Variants in CTNNA1 observed in about 807,000 individuals in gnomAD.
CTNNA1 encodes the protein catenin alpha-1.
CTNNA1 carries 37 observed loss-of-function variants against 98.4 expected under a neutral mutation model. That is an observed-to-expected ratio of 0.38 (90% confidence interval 0.29 to 0.49). The LOEUF is 0.49. CTNNA1 is among the 20% of genes least tolerant of loss of function. The pLI is 0.95. For missense variants in CTNNA1, 761 were observed against 1,147.2 expected (o/e 0.66, Z 4.86); for synonymous variants, 404 against 413.2 (o/e 0.98, Z 0.27).
chr5:138,924,785 C>T (rs1763653854), intron 12 of CTNNA1, 75 bp downstream of exon 12: 2 of 1,318,872 alleles, frequency 1.5e-6, no homozygotes, highest in African/African-American at 1.5e-5. Context: ...TTAGCCCAGC[C>T]CTGTGGTGAG....
intron 7 of CTNNA1, among the ~76,000 whole-genome samples, chr5:138,832,131 A>AGG (rs1761332515): frequency 6.6e-6 from 1 of 152,232 alleles, no homozygotes. Flanking sequence ...TCATCAGCTG[A>AGG]GGGCCAAATC....
intron 11 of CTNNA1, among the ~76,000 whole-genome samples, chr5:138,919,685 G>C (rs1762507429): frequency 6.6e-6 from 1 of 152,154 alleles, no homozygotes; most frequent in African/African-American, 2.4e-5. Flanking sequence ...TAAAATCATG[G>C]AACAATTCTT....
In CTNNA1 at chr5:138,886,263, A is replaced by G. The variant is rs1754000511; in HGVS notation, c.1114A>G (p.Thr372Ala). The stretch of plus-strand genomic sequence containing the variant: ...ACTCAATTCTGCAATAGATAAAATG[A>G]CCAAGAAGACCAGGGACTTGCGTAG... The part of the protein sequence containing the change: ...DALNSAIDKM[T>A]KKTRDLRRQL... Residue 372 changes from threonine to alanine, a missense_variant, in exon 8 of 18, where the codon ACC (threonine) becomes GCC (alanine). Physicochemically the swap from Thr to Ala is moderately conservative, Grantham distance 58. Transcript: ENST00000302763. The G allele has an allele frequency of 3.1e-6, 5 of 1,610,886 alleles. No individual in the cohort carries two copies. The highest frequency in any genetic ancestry group is 4.2e-6 in the Non-Finnish European group (5 of 1,178,530).
intron 7 of CTNNA1, among the ~76,000 whole-genome samples, chr5:138,868,041 C>CT (rs1764965641): frequency 6.6e-6 from 1 of 152,188 alleles, no homozygotes; most frequent in African/African-American, 2.4e-5. Context: ...CGTGAGCCAC[C>CT]ATGCCCCACC....
intron 1 of CTNNA1, among the ~76,000 whole-genome samples, chr5:138,766,761 A>G (rs145898698): frequency 2.6e-5 from 4 of 152,056 alleles, no homozygotes; most frequent in East Asian, 3.9e-4. Context: ...AGTTTGAGGA[A>G]CTCAGCTTTG....
At position 138,824,711 on chromosome 5, in the gene CTNNA1, A is replaced by T. The variant is rs78627784; in HGVS notation, c.770A>T (p.Asn257Ile). 3.0e-5 allele frequency: 48 copies of T among 1,614,094 alleles called. No individual in the cohort carries two copies. The highest frequency in any genetic ancestry group is 5.0e-5 in the Admixed American group (3 of 60,006). ...CAGCAGGCGGTCACAGGCATTTCCA[A>T]TGCAGCCCAGGCCACTGCCTCAGAC... ...QLQQAVTGISNAAQATASDDA... is the reference protein window; with the variant it reads ...QLQQAVTGISIAAQATASDDA... The change falls in exon 6 of 18, where the codon AAT (asparagine) becomes ATT (isoleucine). Residue 257 changes from asparagine to isoleucine, a missense_variant. Physicochemically the swap from Asn to Ile is moderately radical, Grantham distance 149 (BLOSUM62 -3). Around this residue, in one of 6 missense-constraint regions of CTNNA1, gnomAD observed 328 missense variants for 354.3 expected, o/e 0.93. Transcript: ENST00000302763.
At chr5:138,861,632 G>C (rs570681999) in intron 7 of CTNNA1, among the ~76,000 whole-genome samples, 1 of 152,320 alleles carries the variant, frequency 6.6e-6, no homozygotes, top group South Asian at 2.1e-4. Flanking sequence ...TATGAAGGGT[G>C]TTGGGGACTT....
chr5:138,867,132 C>A (rs1373236261), intron 7 of CTNNA1, among the ~76,000 whole-genome samples: 3 of 152,128 alleles, frequency 2.0e-5, no homozygotes, highest in Non-Finnish European at 4.4e-5. Flanking sequence ...GGAATGTGTT[C>A]CTTTGTGCAA....
At chr5:138,798,772 G>A (rs1446906911) in intron 3 of CTNNA1, among the ~76,000 whole-genome samples, 1 of 152,150 alleles carries the variant, frequency 6.6e-6, no homozygotes, top group East Asian at 1.9e-4. Flanking sequence ...AGATGGTACA[G>A]TAGTATTGAG....
intron 5 of CTNNA1, among the ~76,000 whole-genome samples, chr5:138,819,352 G>A (rs950767121): frequency 1.7e-4 from 26 of 152,200 alleles, no homozygotes; most frequent in Admixed American, 1.2e-3. Flanking sequence ...TACTCTGCAA[G>A]GAGAGGAGTG....
At chr5:138,898,933 T>A (rs1757465789) in intron 9 of CTNNA1, among the ~76,000 whole-genome samples, 1 of 152,238 alleles carries the variant, frequency 6.6e-6, no homozygotes, top group South Asian at 2.1e-4. Flanking sequence ...AGGTTACTAA[T>A]TCTCTTTTCA....
chr5:138,859,934 A>G (rs1764103750), intron 7 of CTNNA1, among the ~76,000 whole-genome samples: 1 of 152,164 alleles, frequency 6.6e-6, no homozygotes. Flanking sequence ...ACAGAAGTCT[A>G]ACCTTTCATA....
chr5:138,901,976 G>A (rs1303886891), intron 9 of CTNNA1, among the ~76,000 whole-genome samples: 1 of 152,196 alleles, frequency 6.6e-6, no homozygotes, highest in Non-Finnish European at 1.5e-5. Context: ...ATCTGGAGAA[G>A]ACTGTTAGTG....
chr5:138,785,296 C>T (rs1390800330), intron 3 of CTNNA1, among the ~76,000 whole-genome samples: 7 of 151,714 alleles, frequency 4.6e-5, no homozygotes, highest in Admixed American at 2.0e-4. Context: ...CTCCTGACCT[C>T]GTGATCCGCC....
intron 7 of CTNNA1, among the ~76,000 whole-genome samples, chr5:138,854,287 C>CA (rs1397862239): frequency 6.6e-6 from 1 of 152,120 alleles, no homozygotes; most frequent in Non-Finnish European, 1.5e-5. Context: ...CAAGTAAGAG[C>CA]AGTCAGTACA....
chr5:138,840,468 G>T (rs1012941566), intron 7 of CTNNA1, among the ~76,000 whole-genome samples: 7 of 152,172 alleles, frequency 4.6e-5, no homozygotes, highest in African/African-American at 1.7e-4. Flanking sequence ...GTGCAAATTG[G>T]TGTTTTTAGG....
intron 7 of CTNNA1, among the ~76,000 whole-genome samples, chr5:138,877,141 C>A (rs934688514): frequency 1.3e-5 from 2 of 152,208 alleles, no homozygotes; most frequent in Non-Finnish European, 2.9e-5. Context: ...AGTACGTCCT[C>A]TTTGTTCCTT....
intron 11 of CTNNA1, among the ~76,000 whole-genome samples, chr5:138,919,701 C>T (rs1762512249): frequency 6.6e-6 from 1 of 152,158 alleles, no homozygotes; most frequent in South Asian, 2.1e-4. Context: ...TTCTTTCAGT[C>T]AAAGGTGGTG....
At chr5:138,763,219 G>A (rs1330295495) in intron 1 of CTNNA1, among the ~76,000 whole-genome samples, 1 of 152,046 alleles carries the variant, frequency 6.6e-6, no homozygotes, top group Admixed American at 6.6e-5. Context: ...GACTGTTCTT[G>A]AAAATGAAAG....
Sources: allele counts gnomAD v4.1 joint callset (sites outside exome capture counted in the v4.1 genomes callset), GRCh38; gene constraint gnomAD v4.1.1; regional missense constraint gnomAD v4.1.1; transcripts MANE v1.5; gene names NCBI Gene and HGNC (gene_info 2026-07-23, HGNC 2026-07-21).